CSNK2A2: variants seen among roughly 807,000 people sequenced by gnomAD.
CSNK2A2 encodes casein kinase 2 alpha 2, also known as casein kinase II subunit alpha'.
Under a neutral mutation model 54.0 loss-of-function variants are expected in CSNK2A2, and 8 were observed. That is an observed-to-expected ratio of 0.15 (90% CI 0.09 to 0.27). CSNK2A2 has a LOEUF of 0.27. Ranked by LOEUF, CSNK2A2 falls within the 10% of genes least tolerant of loss-of-function variation. The pLI, the probability that CSNK2A2 is intolerant of heterozygous loss-of-function variation, is 1.00. For missense variants in CSNK2A2, 242 were observed against 439.4 expected (o/e 0.55, Z 4.02); for synonymous variants, 141 against 153.9 (o/e 0.92, Z 0.62).
At chr16:58,177,119 C>T (rs923638160) in intron 4 of CSNK2A2, among the ~76,000 whole-genome samples, 2 of 152,220 alleles carry the variant, frequency 1.3e-5, no homozygotes, top group Non-Finnish European at 2.9e-5. Flanking sequence ...CCTCACACAG[C>T]CGAAAAGCAA....
intron 4 of CSNK2A2, among the ~76,000 whole-genome samples, chr16:58,175,216 A>T (rs1337666541): frequency 1.3e-5 from 2 of 152,282 alleles, no homozygotes; most frequent in East Asian, 1.9e-4. Context: ...CCAGAGACCC[A>T]CTCGCTGGGA....
intron 4 of CSNK2A2, among the ~76,000 whole-genome samples, chr16:58,179,720 A>G (rs544579385): frequency 3.3e-5 from 5 of 152,326 alleles, no homozygotes; most frequent in African/African-American, 1.2e-4. Context: ...TGAGTTCCAT[A>G]ACCATGGGAT....
rs1028586602 is a variant in CSNK2A2, at chr16:58,198,090, G to GAGA, written c.-357_-355dup. On this transcript the variant is annotated 5_prime_UTR_variant, in exon 1 of 12. Coordinates refer to ENST00000262506, the MANE Select transcript of CSNK2A2 (RefSeq NM_001896.4). ...GAAAGGGGCAGCGGCGGCGGCAGCG[G>GAGA]AGAAGAAGGAGGAGAGGAGGAGGAG... is the stretch of plus-strand genomic sequence containing the variant. Among the ~76,000 whole-genome samples the GAGA allele has an allele frequency of 6.8e-6, 1 of 146,746 alleles. No individual in the cohort carries two copies. Among genetic ancestry groups the GAGA allele is most frequent in the African/African-American group, 2.4e-5 (1 of 40,900 alleles).
At position 58,168,651 on chromosome 16, in the gene CSNK2A2, C is replaced by A; in HGVS notation, c.472G>T (p.Val158Leu). 1 of 1,614,038 alleles carries A rather than the reference C, an allele frequency of 6.2e-7. No homozygotes were observed. The highest frequency in any genetic ancestry group is 2.2e-5 in the East Asian group (1 of 44,876). Reference protein sequence around the residue: ...CHSKGIMHRDVKPHNVMIDHQ... With the variant: ...CHSKGIMHRDLKPHNVMIDHQ... ...TCTATCATGACATTGTGAGGTTTCA[C>A]ATCCCTGTGCATGATTCCCTTGCTG... Residue 158 changes from valine to leucine, a missense_variant, in exon 6 of 12, where the codon GTG becomes TTG. By Grantham distance (32) the Val-to-Leu change is conservative (BLOSUM62 1). Coordinates refer to ENST00000262506, the MANE Select transcript of CSNK2A2 (RefSeq NM_001896.4).
chr16:58,193,282 TAACA>T (rs1381212780), intron 2 of CSNK2A2, among the ~76,000 whole-genome samples: 1 of 152,244 alleles, frequency 6.6e-6, no homozygotes, highest in Admixed American at 6.5e-5. Context: ...ATGAAGCTAC[TAACA>T]AAGATGTATA....
rs1437995285 is a variant in CSNK2A2, at chr16:58,169,107, T to TC, written c.430-415_430-414insG. 3.3e-5 allele frequency among the ~76,000 whole-genome samples: 5 copies of TC among 151,942 alleles called. No homozygotes were observed. The East Asian group carries it at 9.8e-4, about 30-fold the overall frequency. On this transcript the variant is annotated intron_variant, in intron 5 of 11. Transcript: ENST00000262506. ...ACGCCCAGCTAATTTTCTGTATTTT[T>TC]AGTAGAGACAGGGTTTCACCGTGTT... is the stretch of plus-strand genomic sequence containing the variant.
intron 7 of CSNK2A2, 73 bp downstream of exon 7, chr16:58,167,609 TGAC>T: frequency 8.8e-7 from 1 of 1,137,488 alleles, no homozygotes; most frequent in Middle Eastern, 2.0e-4. Context: ...GTATTCAAAC[TGAC>T]TAGATCAACA....
intron 2 of CSNK2A2, among the ~76,000 whole-genome samples, chr16:58,194,208 T>C (rs937289238): frequency 5.9e-5 from 9 of 152,200 alleles, no homozygotes; most frequent in Admixed American, 4.6e-4. Flanking sequence ...CTGTTCTAGA[T>C]TCTTCCAAGT....
At chr16:58,190,630 C>G (rs1962302208) in intron 2 of CSNK2A2, among the ~76,000 whole-genome samples, 1 of 152,166 alleles carries the variant, frequency 6.6e-6, no homozygotes, top group South Asian at 2.1e-4. Context: ...TAACTGTTTA[C>G]TCTCAGGAGT....
chr16:58,183,608 TA>T (rs541902107), intron 4 of CSNK2A2, among the ~76,000 whole-genome samples: 52 of 152,178 alleles, frequency 3.4e-4, no homozygotes, highest in Non-Finnish European at 6.6e-4. Context: ...AATTACGTTC[TA>T]AAAAAGGGTT....
At position 58,167,691 on chromosome 16, in the gene CSNK2A2, G is replaced by A; in HGVS notation, c.618C>T (p.Asp206=). 6.2e-7 allele frequency: 1 copy of A among 1,611,382 alleles called. No homozygotes were observed. Among genetic ancestry groups the A allele is most frequent in the Non-Finnish European group, 8.5e-7 (1 of 1,177,476 alleles). Residue 206 remains aspartate (D), a synonymous_variant, in exon 7 of 12, where the codon GAC becomes GAT. Transcript: ENST00000262506. ...RYFKGPELLV[D]YQMYDYSLDM... ...GCTCTGCTAACAAGTTTACCTGATA[G>A]TCCACGAGGAGCTCTGGTCCCTTGA... is the stretch of plus-strand genomic sequence containing the variant.
chr16:58,163,659 T>C (rs1443821730), intron 11 of CSNK2A2: 1 of 154,944 alleles, frequency 6.5e-6, no homozygotes, highest in Non-Finnish European at 1.4e-5. Context: ...CGCTAAGACT[T>C]GAGCCTGAAT....
intron 3 of CSNK2A2, 103 bp from the exon 4 acceptor site, chr16:58,184,413 G>A (rs529474171): frequency 8.2e-6 from 6 of 731,292 alleles, no homozygotes; most frequent in Admixed American, 2.4e-5. Flanking sequence ...AGGTAACACA[G>A]GGATTCACTC....
At chr16:58,171,941 A>G (rs2731746) in intron 5 of CSNK2A2, among the ~76,000 whole-genome samples, 39,515 of 131,186 alleles carry the variant, frequency 0.3, 6,560 homozygotes, top group African/African-American at 0.4. Context: ...GGCATGTACC[A>G]CTACACCTGG....
At chr16:58,177,297 CCTT>C (rs1376186689) in intron 4 of CSNK2A2, among the ~76,000 whole-genome samples, 7 of 152,322 alleles carry the variant, frequency 4.6e-5, no homozygotes, top group Admixed American at 3.3e-4. Context: ...ACTTTCTCTC[CCTT>C]CTTCTTAGCC....
intron 5 of CSNK2A2, among the ~76,000 whole-genome samples, chr16:58,171,912 C>G (rs1300846415): frequency 6.9e-6 from 1 of 145,482 alleles, no homozygotes; most frequent in Admixed American, 6.9e-5. Context: ...CCTCCACCTC[C>G]TGAGTAGCTG....
chr16:58,195,897 C>T (rs536865954), intron 2 of CSNK2A2, among the ~76,000 whole-genome samples: 7 of 152,304 alleles, frequency 4.6e-5, no homozygotes, highest in African/African-American at 1.4e-4. Flanking sequence ...TCTCTGGCTT[C>T]CCAACAAGGC....
chr16:58,176,405 C>G (rs1327581173), intron 4 of CSNK2A2, among the ~76,000 whole-genome samples: 1 of 152,190 alleles, frequency 6.6e-6, no homozygotes, highest in East Asian at 1.9e-4. Context: ...TTCAAAGACA[C>G]CAGTTGTACA....
intron 4 of CSNK2A2, 138 bp downstream of exon 4, chr16:58,184,122 T>G: frequency 1.6e-6 from 1 of 637,296 alleles, no homozygotes; most frequent in East Asian, 2.8e-5. Flanking sequence ...CCTGCACTCA[T>G]GCCTTAAGGA....
Sources: allele counts gnomAD v4.1 joint callset (sites outside exome capture counted in the v4.1 genomes callset), GRCh38; gene constraint gnomAD v4.1.1; transcripts MANE v1.5; gene names NCBI Gene and HGNC (gene_info 2026-07-23, HGNC 2026-07-21).